RB1: variants seen among roughly 807,000 people sequenced by gnomAD.
RB1 encodes the protein RB transcriptional corepressor 1.
A neutral mutation model predicts 135.4 loss-of-function variants in RB1; 18 were observed. That is an observed-to-expected ratio of 0.13 (90% CI 0.09 to 0.20). The LOEUF (loss-of-function observed/expected upper bound fraction) is 0.20. Ranked by LOEUF, RB1 falls within the 10% of genes least tolerant of loss-of-function variation. The probability of loss-of-function intolerance (pLI) is 1.00; values close to 1 mark genes in which losing one functional copy is unlikely to be tolerated. For synonymous variants in RB1, 365 were observed against 373.2 expected (o/e 0.98, Z 0.25); for missense variants, 868 against 1,110.0 (o/e 0.78, Z 3.10).
chr13:48,479,916 A>G lies in RB1; in HGVS notation c.2714-82A>G, dbSNP rs57513711. On this transcript the variant is annotated intron_variant, in intron 26 of 26. Transcript: ENST00000267163. ...AGGTCCTGAGCGCCATCAGTTTGAC[A>G]TGAGCATAATATATATGGCAGCCAC... The G allele has an allele frequency of 3.3e-5, 36 of 1,085,100 alleles. No individual in the cohort carries two copies. The African/African-American group carries it at 5.5e-4, about 17-fold the overall frequency. The allele number at this position is 1,085,100 out of a possible 1,614,324, so 67.2% of individuals were successfully genotyped here.
intron 23 of RB1, among the ~76,000 whole-genome samples, chr13:48,472,429 T>C (rs971253291): frequency 2.0e-5 from 3 of 152,194 alleles, no homozygotes; most frequent in Admixed American, 6.5e-5. Context: ...CTACTACTTG[T>C]TCTAAGCTGC....
chr13:48,409,145 T>C (rs1300387081), intron 17 of RB1, among the ~76,000 whole-genome samples: 1 of 151,104 alleles, frequency 6.6e-6, no homozygotes. Context: ...TTTTTTTTCT[T>C]TTCTCTTTTT....
At chr13:48,366,480 A>G (rs184181222) in intron 9 of RB1, among the ~76,000 whole-genome samples, 2 of 152,290 alleles carry the variant, frequency 1.3e-5, no homozygotes, top group Admixed American at 1.3e-4. Context: ...TTAAAATGCA[A>G]TTTTACTTCT....
intron 17 of RB1, among the ~76,000 whole-genome samples, chr13:48,392,834 A>G (rs1948621669): frequency 6.6e-6 from 1 of 151,884 alleles, no homozygotes; most frequent in East Asian, 1.9e-4. Context: ...GGTGCCAGAT[A>G]TCATGAATTT....
intron 2 of RB1, among the ~76,000 whole-genome samples, 179 bp from the exon 3 acceptor site, chr13:48,342,420 G>C (rs1952453697): frequency 6.6e-6 from 1 of 151,882 alleles, no homozygotes; most frequent in Non-Finnish European, 1.5e-5. Context: ...TTTGTTATTA[G>C]TGTGAAATGA....
chr13:48,339,351 C>T (rs537782290), intron 2 of RB1, among the ~76,000 whole-genome samples: 1,646 of 152,324 alleles, frequency 0.011, 30 homozygotes, highest in African/African-American at 0.038. Flanking sequence ...GCTTTGTTTA[C>T]CTACTCAAGC....
chr13:48,342,004 A>G (rs1952447135), intron 2 of RB1, among the ~76,000 whole-genome samples: 1 of 152,156 alleles, frequency 6.6e-6, no homozygotes, highest in Non-Finnish European at 1.5e-5. Context: ...ATAGCCATCA[A>G]TCATTAAGAA....
At chr13:48,326,208 T>A (rs1380385099) in intron 2 of RB1, among the ~76,000 whole-genome samples, 1 of 152,150 alleles carries the variant, frequency 6.6e-6, no homozygotes, top group Admixed American at 6.5e-5. Context: ...TAGTAAATAT[T>A]TATTGAATAA....
Position 48,342,655 on chromosome 13 carries a change from A to G in RB1, c.321A>G (p.Ala107=). 6.2e-7 allele frequency: 1 copy of G among 1,612,926 alleles called. No homozygotes were observed. Among genetic ancestry groups the G allele is most frequent in the Non-Finnish European group, 8.5e-7 (1 of 1,179,130 alleles). The change falls in exon 3 of 27, where the codon GCA becomes GCG. Residue 107 remains alanine, a synonymous_variant. Transcript: ENST00000267163. The part of the protein sequence containing the change: ...ELWGICIFIA[A]VDLDEMSFTF... ...GGGGAATCTGTATCTTTATTGCAGC[A>G]GTTGACCTAGATGAGATGTCGTTCA...
chr13:48,395,180 A>G (rs542300665), intron 17 of RB1, among the ~76,000 whole-genome samples: 2 of 152,338 alleles, frequency 1.3e-5, no homozygotes, highest in South Asian at 4.1e-4. Flanking sequence ...GAGAACTAAC[A>G]AACAGAAATG....
chr13:48,451,738 A>AT lies in RB1; in HGVS notation c.1696-1239dup, dbSNP rs59115458. 6.4e-4 allele frequency among the ~76,000 whole-genome samples: 90 copies of AT among 140,150 alleles called. 1 individual carries two copies. The highest frequency in any genetic ancestry group is 1.6e-3 in the African/African-American group (62 of 38,248). The allele number at this position is 140,150 out of a possible 152,430, so 91.9% of individuals were successfully genotyped here. A position where few individuals can be genotyped will look rare whatever the true frequency, so the allele number is the denominator to read the frequency against. On this transcript the variant is annotated intron_variant, in intron 17 of 26. Coordinates refer to ENST00000267163, the MANE Select transcript of RB1 (RefSeq NM_000321.3). ...AGTTGTGAATGCATCTGATCCTGGGATTTTTTTTTTTTTTTTGGTTGGTAG... is the reference window on the plus strand; with the variant it reads ...AGTTGTGAATGCATCTGATCCTGGGATTTTTTTTTTTTTTTTTGGTTGGTAG...
At chr13:48,367,204 C>A (rs1215781084) in intron 9 of RB1, among the ~76,000 whole-genome samples, 1 of 150,900 alleles carries the variant, frequency 6.6e-6, no homozygotes, top group African/African-American at 2.4e-5. Context: ...ATTATAATAC[C>A]TATTTTTATC....
At chr13:48,351,319 T>C (rs980227352) in intron 6 of RB1, among the ~76,000 whole-genome samples, 1 of 152,230 alleles carries the variant, frequency 6.6e-6, no homozygotes, top group Non-Finnish European at 1.5e-5. Context: ...TTGATTTGCA[T>C]TTCTCTAATG....
At chr13:48,396,187 G>A (rs934508268) in intron 17 of RB1, among the ~76,000 whole-genome samples, 4 of 151,950 alleles carry the variant, frequency 2.6e-5, no homozygotes, top group Non-Finnish European at 5.9e-5. Context: ...CCATATAGCC[G>A]AGACAATCTT....
chr13:48,370,341 T>C (rs915686822), intron 11 of RB1, among the ~76,000 whole-genome samples: 1 of 151,952 alleles, frequency 6.6e-6, no homozygotes, highest in Non-Finnish European at 1.5e-5. Flanking sequence ...CAGCTGGGTG[T>C]CCTCTAATTT....
chr13:48,307,156 C>A, intron 1 of RB1, 124 bp from the exon 2 acceptor site: 1 of 726,196 alleles, frequency 1.4e-6, no homozygotes, highest in Non-Finnish European at 2.3e-6. Context: ...AAAATAAGAT[C>A]TTAAAGTATT....
chr13:48,373,027 A>G (rs1388110488), intron 11 of RB1, among the ~76,000 whole-genome samples: 5 of 152,184 alleles, frequency 3.3e-5, no homozygotes, highest in African/African-American at 1.2e-4. Flanking sequence ...TGAGTTGCTA[A>G]GTATCTTATT....
chr13:48,330,480 A>G (rs1952323340), intron 2 of RB1, among the ~76,000 whole-genome samples: 1 of 152,196 alleles, frequency 6.6e-6, no homozygotes, highest in Non-Finnish European at 1.5e-5. Flanking sequence ...AAGAGGAGAC[A>G]TTATGACTGA....
intron 19 of RB1, 109 bp from the exon 20 acceptor site, chr13:48,459,579 A>C: frequency 8.6e-7 from 1 of 1,157,976 alleles, no homozygotes; most frequent in East Asian, 2.4e-5. Context: ...GGTTTCTGTT[A>C]AAATGCTACT....
Sources: allele counts gnomAD v4.1 joint callset (sites outside exome capture counted in the v4.1 genomes callset), GRCh38; gene constraint gnomAD v4.1.1; transcripts MANE v1.5; gene names NCBI Gene and HGNC (gene_info 2026-07-23, HGNC 2026-07-21).